KLF8: variants seen among roughly 807,000 people sequenced by gnomAD.
KLF8 encodes Krueppel-like factor 8.
Under a neutral mutation model 18.2 loss-of-function variants are expected in KLF8, and 10 were observed. The observed-to-expected ratio is 0.55, with a 90% CI of 0.34 to 0.93. The LOEUF (loss-of-function observed/expected upper bound fraction) is 0.93. Ranked by LOEUF, KLF8 falls within the 40% of genes least tolerant of loss-of-function variation. The pLI is 0.02. For missense variants in KLF8, 264 were observed against 277.9 expected (o/e 0.95, Z 0.36); for synonymous variants, 109 against 97.3 (o/e 1.12, Z -0.71).
the KLF8 span, among the ~76,000 whole-genome samples, chrX:56,096,388 A>G: frequency 9.0e-6 from 1 of 111,567 alleles, no homozygotes; most frequent in African/African-American, 3.2e-5. Context: ...AGACCTCACC[A>G]CTATGCAATA....
the KLF8 span, among the ~76,000 whole-genome samples, chrX:56,013,268 T>C: frequency 8.9e-6 from 1 of 112,469 alleles, no homozygotes; most frequent in Non-Finnish European, 1.9e-5. Context: ...TTTTGGCCAA[T>C]TTCTTCCACT....
At chrX:55,915,771 A>G in the KLF8 span, among the ~76,000 whole-genome samples, 2 of 112,064 alleles carry the variant, frequency 1.8e-5, no homozygotes, top group African/African-American at 6.5e-5. Flanking sequence ...TTATTTATTC[A>G]TTAATATCCT....
the KLF8 span, among the ~76,000 whole-genome samples, chrX:56,041,667 T>TTTGTTGTTGTTG: frequency 2.0e-3 from 192 of 96,447 alleles, no homozygotes; most frequent in African/African-American, 7.9e-3. Context: ...TCTCTCTAGT[T>TTTGTTGTTGTTG]TTGTTGTTGT....
the KLF8 span, among the ~76,000 whole-genome samples, chrX:56,104,909 G>A: frequency 7.1e-5 from 8 of 111,896 alleles, no homozygotes; most frequent in Admixed American, 2.8e-4. Flanking sequence ...ATTCTGGTAC[G>A]TTGTGGCTTT....
chrX:55,936,956 C>G, the KLF8 span, among the ~76,000 whole-genome samples: 1 of 112,175 alleles, frequency 8.9e-6, no homozygotes, highest in Non-Finnish European at 1.9e-5. Flanking sequence ...GGGCAGGGCA[C>G]AGACAAACGA....
the KLF8 span, among the ~76,000 whole-genome samples, chrX:56,028,737 T>A: frequency 9.0e-6 from 1 of 111,402 alleles, no homozygotes; most frequent in Non-Finnish European, 1.9e-5. Flanking sequence ...ACCCCGGGTC[T>A]TCCTACTGAA....
the KLF8 span, among the ~76,000 whole-genome samples, chrX:56,002,836 T>C: frequency 8.9e-6 from 1 of 111,968 alleles, no homozygotes; most frequent in Non-Finnish European, 1.9e-5. Flanking sequence ...TATCTAATTG[T>C]CTTTTTTCGC....
chrX:56,159,289 C>A, the KLF8 span, among the ~76,000 whole-genome samples: 3 of 111,787 alleles, frequency 2.7e-5, no homozygotes, highest in African/African-American at 9.7e-5. Context: ...TTAGGTTTGC[C>A]ATTGTTTTAT....
At chrX:56,073,888 G>C in the KLF8 span, among the ~76,000 whole-genome samples, 1 of 110,869 alleles carries the variant, frequency 9.0e-6, no homozygotes, top group Non-Finnish European at 1.9e-5. Flanking sequence ...TGGGACTATA[G>C]GCGTGCGCCA....
At chrX:55,971,001 C>T in the KLF8 span, among the ~76,000 whole-genome samples, 1 of 111,364 alleles carries the variant, frequency 9.0e-6, no homozygotes, top group Non-Finnish European at 1.9e-5. Flanking sequence ...AGGTAGTCTG[C>T]AGATTAAATG....
At chrX:56,091,977 T>C in the KLF8 span, among the ~76,000 whole-genome samples, 2 of 98,650 alleles carry the variant, frequency 2.0e-5, no homozygotes, top group Non-Finnish European at 3.9e-5. Context: ...CCAACATCTA[T>C]TGTTTTTTTT....
the KLF8 span, among the ~76,000 whole-genome samples, chrX:56,011,457 A>C: frequency 9.0e-6 from 1 of 111,241 alleles, no homozygotes; most frequent in Non-Finnish European, 1.9e-5. Flanking sequence ...CTCTGGATGC[A>C]GCAATGTTGA....
At chrX:56,058,269 C>CAT in the KLF8 span, among the ~76,000 whole-genome samples, 360 of 15,925 alleles carry the variant, frequency 0.023, 14 homozygotes, top group African/African-American at 0.07. Flanking sequence ...CATATATATA[C>CAT]ATATATATAC....
the KLF8 span, chrX:55,961,631 G>A: frequency 2.4e-6 from 1 of 422,473 alleles, no homozygotes; most frequent in East Asian, 4.8e-5. Context: ...ATCAGAGCCT[G>A]TTTTCTGCAA....
the KLF8 span, among the ~76,000 whole-genome samples, chrX:56,015,823 G>A: frequency 0.09 from 10,000 of 111,385 alleles, 1,094 homozygotes; most frequent in African/African-American, 0.31. Context: ...ACAGGATTTT[G>A]TTTGCGGGAA....
At position 56,270,273 on chromosome X, in the gene KLF8, G is replaced by C. The variant is rs1385427586; in HGVS notation, c.850G>C (p.Val284Leu). Residue 284 changes from valine (V) to leucine (L), a missense_variant, in exon 5 of 6, where the codon GTG becomes CTG. This residue lies in a region of KLF8 where 43 missense variants were observed against 84.3 expected (regional missense o/e 0.51). Coordinates refer to ENST00000468660, the MANE Select transcript of KLF8 (RefSeq NM_007250.5). ...ATGTGACTTTGCAGGATGCAGCAAAGTGTACACCAAAAGCTCTCACCTGAA... is the reference window on the plus strand; with the variant it reads ...ATGTGACTTTGCAGGATGCAGCAAACTGTACACCAAAAGCTCTCACCTGAA... ...HQCDFAGCSK[V>L]YTKSSHLKAH... The C allele has an allele frequency of 1.6e-5, 19 of 1,201,956 alleles. No homozygotes were observed. The highest frequency in any genetic ancestry group is 2.1e-5 in the Non-Finnish European group (19 of 890,609).
the KLF8 span, among the ~76,000 whole-genome samples, chrX:56,145,263 T>C: frequency 1.2e-3 from 140 of 112,083 alleles, no homozygotes; most frequent in African/African-American, 4.4e-3. Context: ...ATCAAAGTCA[T>C]AGTGTGATAC....
In KLF8 at chrX:56,265,475, C is replaced by T; in HGVS notation, c.377C>T (p.Thr126Ile). Residue 126 changes from threonine (T) to isoleucine (I), a missense_variant, in exon 3 of 6, where the codon ACA becomes ATA. Thr to Ile is a moderately conservative substitution (Grantham distance 89). This residue lies in a region of KLF8 where 221 missense variants were observed against 193.6 expected (regional missense o/e 1.14). Coordinates refer to ENST00000468660, the MANE Select transcript of KLF8 (RefSeq NM_007250.5). The stretch of plus-strand genomic sequence containing the variant: ...CAGACCCTTGTGGTGTCCACGTCAA[C>T]ATCTGACATGAGCACTTCAGCAAAC... ...SPQTLVVSTS[T>I]SDMSTSANIP... 8.3e-7 allele frequency: 1 copy of T among 1,212,051 alleles called. No homozygotes were observed. The highest frequency in any genetic ancestry group is 1.1e-6 in the Non-Finnish European group (1 of 895,516).
the KLF8 span, among the ~76,000 whole-genome samples, chrX:56,220,473 CT>C: frequency 1.9e-5 from 2 of 106,816 alleles, no homozygotes; most frequent in Non-Finnish European, 3.8e-5. Flanking sequence ...GGGTTTTTTT[CT>C]TTCTTTTTTC....
Sources: gnomAD v4.1 joint callset for allele counts (sites outside exome capture counted in the v4.1 genomes callset) on GRCh38, gnomAD v4.1.1 for gene constraint, gnomAD v4.1.1 regional missense constraint, MANE v1.5 for transcripts, NCBI Gene and HGNC (gene_info 2026-07-23, HGNC 2026-07-21) for gene names.